The following CDIN1 variants were observed in gnomAD, a reference collection of about 807,000 sequenced individuals.
CDIN1 encodes the protein CDAN1-interacting nuclease 1.
Under a neutral mutation model 45.3 loss-of-function variants are expected in CDIN1, and 33 were observed. The ratio of observed to expected loss-of-function variants is 0.73; its 90% CI spans 0.55 to 0.97. CDIN1 has a LOEUF of 0.97. Ranked by LOEUF, CDIN1 falls within the 50% of genes least tolerant of loss-of-function variation. The pLI, the probability that CDIN1 is intolerant of heterozygous loss-of-function variation, is 0.00. For synonymous variants in CDIN1, 118 were observed against 124.4 expected (o/e 0.95, Z 0.34); for missense variants, 303 against 339.4 (o/e 0.89, Z 0.84).
At chr15:36,619,152 G>A in intron 1 of CDIN1, 3 of 1,141,126 alleles carry the variant, frequency 2.6e-6, no homozygotes, top group Non-Finnish European at 3.9e-6. Context: ...CCATTCCCAG[G>A]GGAGCAGCTG....
chr15:36,680,706 G>A (rs1364936587), intron 5 of CDIN1, among the ~76,000 whole-genome samples: 1 of 152,156 alleles, frequency 6.6e-6, no homozygotes, highest in Non-Finnish European at 1.5e-5. Context: ...ATATAAAAAG[G>A]ACTAGAAAAA....
chr15:36,613,876 C>T, intron 1 of CDIN1: 2 of 1,571,118 alleles, frequency 1.3e-6, no homozygotes, highest in Non-Finnish European at 1.7e-6. Flanking sequence ...AGTGGGTGAT[C>T]ACTGAAGGAG....
chr15:36,589,819 C>G (rs1416983182), intron 1 of CDIN1, among the ~76,000 whole-genome samples: 1 of 152,158 alleles, frequency 6.6e-6, no homozygotes, highest in South Asian at 2.1e-4. Flanking sequence ...TTCTCCATTT[C>G]TTAGGGGAAC....
intron 1 of CDIN1, among the ~76,000 whole-genome samples, chr15:36,592,606 T>C (rs536266016): frequency 1.3e-5 from 2 of 152,218 alleles, no homozygotes; most frequent in African/African-American, 4.8e-5. Flanking sequence ...GTTGGGTTGT[T>C]GGGCTTTCTC....
intron 10 of CDIN1, among the ~76,000 whole-genome samples, chr15:36,743,261 G>A (rs1257071807): frequency 6.6e-6 from 1 of 152,092 alleles, no homozygotes; most frequent in Non-Finnish European, 1.5e-5. Context: ...CAGCAATATG[G>A]GGAATAGATT....
At chr15:36,800,010 A>G (rs1235569740) in intron 10 of CDIN1, among the ~76,000 whole-genome samples, 1 of 152,214 alleles carries the variant, frequency 6.6e-6, no homozygotes, top group African/African-American at 2.4e-5. Flanking sequence ...GTAATTTAAC[A>G]TGGATGTGAA....
chr15:36,601,230 C>T (rs1053331249), intron 1 of CDIN1, among the ~76,000 whole-genome samples: 6 of 152,168 alleles, frequency 3.9e-5, no homozygotes, highest in African/African-American at 1.4e-4. Flanking sequence ...TGTAACTGTC[C>T]TACCCTTCAG....
rs916495888 is a variant in CDIN1, at chr15:36,644,175, G to A, written c.102-103G>A. The stretch of plus-strand genomic sequence containing the variant: ...TTTTCCACACTTGTTTTCATGTTCT[G>A]TTAGATTACAGGGCAGCAGGCCTAC... On this transcript the variant is annotated intron_variant, in intron 1 of 10. Coordinates refer to ENST00000566621, the MANE Select transcript of CDIN1 (RefSeq NM_001321759.2). 1.4e-5 allele frequency: 15 copies of A among 1,070,406 alleles called. No homozygotes were observed. In the Admixed American group the frequency reaches 3.1e-4, roughly 22 times the overall value. The allele number at this position is 1,070,406 out of a possible 1,614,324, so 66.3% of individuals were successfully genotyped here. A position where few individuals can be genotyped will look rare whatever the true frequency, so the allele number is the denominator to read the frequency against.
At chr15:36,763,694 G>C (rs929019152) in intron 10 of CDIN1, among the ~76,000 whole-genome samples, 2 of 152,176 alleles carry the variant, frequency 1.3e-5, no homozygotes, top group African/African-American at 2.4e-5. Flanking sequence ...CAGGGAGCTT[G>C]AGAGTTGGCA....
At chr15:36,585,370 G>A (rs576952130) in intron 1 of CDIN1, among the ~76,000 whole-genome samples, 8 of 152,268 alleles carry the variant, frequency 5.3e-5, no homozygotes, top group African/African-American at 1.9e-4. Flanking sequence ...GGATTTAATT[G>A]TAATGTCTTA....
intron 5 of CDIN1, among the ~76,000 whole-genome samples, chr15:36,672,725 T>C (rs933399743): frequency 6.6e-6 from 1 of 151,844 alleles, no homozygotes; most frequent in Non-Finnish European, 1.5e-5. Flanking sequence ...TTTTCACCAA[T>C]CCAGAAGCAT....
intron 10 of CDIN1, among the ~76,000 whole-genome samples, chr15:36,791,854 A>C (rs554997661): frequency 2.6e-5 from 4 of 152,340 alleles, no homozygotes; most frequent in African/African-American, 9.6e-5. Context: ...CTACACCTAC[A>C]TCAATAACTT....
At chr15:36,805,130 A>G (rs982248322) in intron 10 of CDIN1, among the ~76,000 whole-genome samples, 1 of 152,160 alleles carries the variant, frequency 6.6e-6, no homozygotes, top group African/African-American at 2.4e-5. Flanking sequence ...TTTATTTGCA[A>G]GCAAAATTAC....
At chr15:36,620,065 A>T (rs1427982926) in intron 1 of CDIN1, among the ~76,000 whole-genome samples, 1 of 152,136 alleles carries the variant, frequency 6.6e-6, no homozygotes, top group Non-Finnish European at 1.5e-5. Flanking sequence ...AACATTGAAA[A>T]TTTCGGCCGG....
At chr15:36,664,430 A>C (rs1353136710) in intron 5 of CDIN1, among the ~76,000 whole-genome samples, 1 of 152,232 alleles carries the variant, frequency 6.6e-6, no homozygotes, top group Non-Finnish European at 1.5e-5. Context: ...TTAAATTTTC[A>C]TTTGTATACC....
At chr15:36,754,354 G>C (rs1229365104) in intron 10 of CDIN1, among the ~76,000 whole-genome samples, 1 of 152,030 alleles carries the variant, frequency 6.6e-6, no homozygotes, top group Non-Finnish European at 1.5e-5. Flanking sequence ...AATGTGTCTT[G>C]AGCCCTGACC....
In CDIN1 at chr15:36,618,716, G is replaced by C. The variant is rs142771081; in HGVS notation, c.102-25562G>C. 3.7e-4 allele frequency: 280 copies of C among 764,262 alleles called. 1 individual carries two copies. The African/African-American group carries it at 3.9e-3, about 11-fold the overall frequency. The allele number at this position is 764,262 out of a possible 1,614,324, so 47.3% of individuals were successfully genotyped here. A position where few individuals can be genotyped will look rare whatever the true frequency, so the allele number is the denominator to read the frequency against. On this transcript the variant is annotated intron_variant, in intron 1 of 10. Coordinates refer to ENST00000566621, the MANE Select transcript of CDIN1 (RefSeq NM_001321759.2). ...GCCCAGCAACTCAGTATGAGTACCA[G>C]TTCTCCATGTGCAGCTGAGCCTACT...
chr15:36,613,113 A>G (rs1595743702), intron 1 of CDIN1, among the ~76,000 whole-genome samples: 9 of 152,352 alleles, frequency 5.9e-5, no homozygotes, highest in Admixed American at 5.2e-4. Context: ...TTTGGAAGCA[A>G]AACATCTCCG....
intron 10 of CDIN1, among the ~76,000 whole-genome samples, chr15:36,796,307 A>G (rs1023113255): frequency 2.6e-5 from 4 of 152,210 alleles, no homozygotes; most frequent in Admixed American, 2.6e-4. Flanking sequence ...ATGCTATTCT[A>G]TTCACTTTAT....
Sources: gnomAD v4.1 joint callset for allele counts (sites outside exome capture counted in the v4.1 genomes callset) on GRCh38, gnomAD v4.1.1 for gene constraint, MANE v1.5 for transcripts, NCBI Gene and HGNC (gene_info 2026-07-23, HGNC 2026-07-21) for gene names.